SGCD: variants seen among roughly 807,000 people sequenced by gnomAD.
SGCD encodes delta-sarcoglycan.
A neutral mutation model predicts 36.6 loss-of-function variants in SGCD; 18 were observed. The ratio of observed to expected loss-of-function variants is 0.49; its 90% CI spans 0.34 to 0.73. The LOEUF is 0.73. Ranked by LOEUF, SGCD falls within the 30% of genes least tolerant of loss-of-function variation. The pLI, the probability that SGCD is intolerant of heterozygous loss-of-function variation, is 0.01. For synonymous variants in SGCD, 133 were observed against 130.6 expected, an observed-to-expected ratio of 1.02 and a Z score of -0.12; for missense variants, 387 against 346.7, an observed-to-expected ratio of 1.12 and a Z score of -0.92.
chr5:155,962,966 T>C (rs367763067), intron 1 of SGCD, among the ~76,000 whole-genome samples: 1 of 152,144 alleles, frequency 6.6e-6, no homozygotes, highest in Non-Finnish European at 1.5e-5. Context: ...CAGAATTCTT[T>C]TGAGGCACAA....
intron 3 of SGCD, among the ~76,000 whole-genome samples, chr5:156,485,293 T>G (rs982693448): frequency 2.0e-5 from 3 of 152,218 alleles, no homozygotes; most frequent in African/African-American, 7.2e-5. Flanking sequence ...AAAAAACTAT[T>G]TCTTCCTTAT....
chr5:156,722,224 C>T (rs17053835), intron 7 of SGCD, among the ~76,000 whole-genome samples: 5,473 of 152,222 alleles, frequency 0.036, 124 homozygotes, highest in South Asian at 0.059. Context: ...TCAAATTAGC[C>T]TCTCCTCTCA....
intron 3 of SGCD, among the ~76,000 whole-genome samples, chr5:156,275,195 A>T (rs10066281): frequency 0.2 from 30,402 of 151,992 alleles, 4,960 homozygotes; most frequent in African/African-American, 0.45. Flanking sequence ...AGGACAGATC[A>T]CTATCCACAG....
intron 7 of SGCD, chr5:156,739,658 G>A (rs1337102529): frequency 2.0e-5 from 3 of 152,068 alleles, no homozygotes; most frequent in Admixed American, 2.0e-4. Flanking sequence ...ATTTACCTAT[G>A]GAAGCTGCAG....
At chr5:156,543,993 G>A (rs1010088741) in intron 4 of SGCD, among the ~76,000 whole-genome samples, 3 of 152,160 alleles carry the variant, frequency 2.0e-5, no homozygotes, top group Non-Finnish European at 4.4e-5. Context: ...GAGCTCAGTT[G>A]GGTGTATTCC....
At chr5:156,036,594 C>T (rs1296527839) in intron 1 of SGCD, among the ~76,000 whole-genome samples, 1 of 152,292 alleles carries the variant, frequency 6.6e-6, no homozygotes, top group Non-Finnish European at 1.5e-5. Flanking sequence ...GAGAACAAAA[C>T]ATCTTGAGAC....
intron 1 of SGCD, among the ~76,000 whole-genome samples, chr5:156,061,171 C>G (rs114572602): frequency 0.073 from 10,366 of 142,692 alleles, 1,644 homozygotes; most frequent in African/African-American, 0.24. Context: ...AAAATTGCAA[C>G]TATTTTTTTT....
intron 1 of SGCD, among the ~76,000 whole-genome samples, chr5:156,041,518 A>G (rs1175267591): frequency 6.6e-6 from 1 of 152,196 alleles, no homozygotes; most frequent in Non-Finnish European, 1.5e-5. Context: ...TAAAGTAGAG[A>G]TCGAGTTTTT....
intron 1 of SGCD, among the ~76,000 whole-genome samples, chr5:156,099,769 T>TA (rs1017729902): frequency 2.0e-4 from 31 of 152,188 alleles, no homozygotes; most frequent in African/African-American, 7.5e-4. Context: ...AGATTCTCAG[T>TA]AAAAACTTAC....
chr5:155,913,539 C>A (rs1756674721), intron 1 of SGCD, among the ~76,000 whole-genome samples: 1 of 152,142 alleles, frequency 6.6e-6, no homozygotes, highest in Admixed American at 6.5e-5. Flanking sequence ...ATCCTTAAAT[C>A]TTTGCTATTG....
chr5:156,748,049 T>TA (rs1757010838), intron 7 of SGCD, among the ~76,000 whole-genome samples: 2 of 152,142 alleles, frequency 1.3e-5, no homozygotes, highest in South Asian at 4.1e-4. Flanking sequence ...CAACCACTAC[T>TA]AAGCAATAAA....
chr5:156,744,007 C>G (rs1166590376), intron 7 of SGCD, among the ~76,000 whole-genome samples: 1 of 152,146 alleles, frequency 6.6e-6, no homozygotes, highest in Non-Finnish European at 1.5e-5. Context: ...ACAATGTGTT[C>G]AAGCCAAAGC....
intron 7 of SGCD, among the ~76,000 whole-genome samples, chr5:156,695,126 GTGTGTGTGTGTT>G (rs1234221562): frequency 4.5e-4 from 55 of 122,458 alleles, no homozygotes; most frequent in African/African-American, 1.6e-3. Context: ...GTGTGTGTGT[GTGTGTGTGTGTT>G]TGTGTGTGTG....
intron 1 of SGCD, among the ~76,000 whole-genome samples, chr5:156,032,325 T>A (rs529858143): frequency 1.3e-5 from 2 of 152,282 alleles, no homozygotes; most frequent in Non-Finnish European, 2.9e-5. Flanking sequence ...GTCTATGGGT[T>A]GTATTCTTTT....
the SGCD span, among the ~76,000 whole-genome samples, chr5:155,737,433 A>G: frequency 6.6e-6 from 1 of 152,230 alleles, no homozygotes. Context: ...GTTTTGAAAA[A>G]TCATACTCTT....
chr5:156,681,230 C>T (rs1019602018), intron 7 of SGCD, among the ~76,000 whole-genome samples: 2 of 152,126 alleles, frequency 1.3e-5, no homozygotes, highest in Admixed American at 6.5e-5. Flanking sequence ...CTTTACTGAG[C>T]GGTAGTGGCT....
At chr5:156,449,093 A>G (rs1010354801) in intron 3 of SGCD, among the ~76,000 whole-genome samples, 4 of 152,020 alleles carry the variant, frequency 2.6e-5, no homozygotes, top group African/African-American at 9.7e-5. Flanking sequence ...TTGCTTTTCT[A>G]TAAGGGCTTT....
chr5:155,782,684 A>G, the SGCD span, among the ~76,000 whole-genome samples: 16 of 152,200 alleles, frequency 1.1e-4, no homozygotes, highest in Admixed American at 5.9e-4. Flanking sequence ...GCAGGGGGCA[A>G]ATGAGCATCA....
At chr5:156,185,852 G>GTAT (rs1763740416) in intron 3 of SGCD, among the ~76,000 whole-genome samples, 2 of 5,892 alleles carry the variant, frequency 3.4e-4, no homozygotes, top group Admixed American at 3.2e-3. Context: ...TATATATATA[G>GTAT]AGAGAGAGAG....
Sources: allele counts gnomAD v4.1 joint callset (sites outside exome capture counted in the v4.1 genomes callset), GRCh38; gene constraint gnomAD v4.1.1; transcripts MANE v1.5; gene names NCBI Gene and HGNC (gene_info 2026-07-23, HGNC 2026-07-21).